The following PRKDC variants were observed in gnomAD, a reference collection of about 807,000 sequenced individuals.
The protein encoded by PRKDC is DNA-dependent protein kinase catalytic subunit.
PRKDC carries 82 observed loss-of-function variants against 486.9 expected under a neutral mutation model. The observed-to-expected ratio is 0.17, with a 90% CI of 0.14 to 0.20. The LOEUF (loss-of-function observed/expected upper bound fraction) is 0.20, where lower values mean the gene tolerates loss of function less well. Ranked by LOEUF, PRKDC falls within the 10% of genes least tolerant of loss-of-function variation. The pLI is 1.00. For missense variants in PRKDC, 4,504 were observed against 5,038.2 expected (o/e 0.89, Z 3.21); for synonymous variants, 1,895 against 1,837.0 (o/e 1.03, Z -0.81).
intron 74 of PRKDC, 100 bp downstream of exon 74, chr8:47,794,190 A>T: frequency 1.0e-6 from 1 of 959,268 alleles, no homozygotes; most frequent in African/African-American, 1.7e-5. Context: ...GACAACTCTA[A>T]TTAATTTGAA....
intron 21 of PRKDC, among the ~76,000 whole-genome samples, chr8:47,924,380 G>A (rs1247554738): frequency 6.6e-6 from 1 of 151,896 alleles, no homozygotes; most frequent in African/African-American, 2.4e-5. Flanking sequence ...TCAACATAGT[G>A]AGACCCCCAT....
In PRKDC at chr8:47,778,991, A is replaced by C; in HGVS notation, c.11579+13T>G. The C allele has an allele frequency of 6.4e-7, 1 of 1,562,558 alleles. No homozygotes were observed. The highest frequency in any genetic ancestry group is 1.2e-5 in the South Asian group (1 of 82,290). On this transcript the variant is annotated intron_variant, in intron 81 of 85. Coordinates refer to ENST00000314191, the MANE Select transcript of PRKDC (RefSeq NM_006904.7). ...AACTAACTAATACAAAGAAAAATCA[A>C]AACCAAACTTACTTATACATTAGCA...
In PRKDC at chr8:47,820,784, G is replaced by C. The variant is rs752820602; in HGVS notation, c.9271C>G (p.Leu3091Val). 6.2e-7 allele frequency: 1 copy of C among 1,611,408 alleles called. No individual in the cohort carries two copies. Among genetic ancestry groups the C allele is most frequent in the Non-Finnish European group, 8.5e-7 (1 of 1,178,476 alleles). ...HYSQELSLLY[L>V]LQDDVDRAKY... is the part of the protein sequence containing the mutation. ...GCTCTGTCAACATCATCTTGCAGGAGGTAAAGCAGACTCAGCTCTTGACTG... is the reference window on the plus strand; with the variant it reads ...GCTCTGTCAACATCATCTTGCAGGACGTAAAGCAGACTCAGCTCTTGACTG... Residue 3091 changes from leucine to valine, a missense_variant, in exon 66 of 86, where the codon CTC becomes GTC. By Grantham distance (32) the Leu-to-Val change is conservative (BLOSUM62 1). Coordinates refer to ENST00000314191, the MANE Select transcript of PRKDC (RefSeq NM_006904.7).
chr8:47,774,903 C>T (rs1188439395), intron 85 of PRKDC, among the ~76,000 whole-genome samples: 1 of 152,124 alleles, frequency 6.6e-6, no homozygotes, highest in Non-Finnish European at 1.5e-5. Context: ...GCTGGGATTA[C>T]AGGTGTGAGC....
intron 21 of PRKDC, among the ~76,000 whole-genome samples, chr8:47,921,022 G>C (rs1277213015): frequency 6.6e-6 from 1 of 152,136 alleles, no homozygotes. Flanking sequence ...GGGAGGCCGA[G>C]GGGGGCGGAT....
intron 68 of PRKDC, among the ~76,000 whole-genome samples, chr8:47,816,602 T>C (rs2087452500): frequency 1.3e-5 from 2 of 152,138 alleles, no homozygotes; most frequent in African/African-American, 4.8e-5. Context: ...AACACTGATC[T>C]ATAACGAGGC....
At chr8:47,935,437 T>C (rs1199276105) in intron 13 of PRKDC, among the ~76,000 whole-genome samples, 1 of 152,010 alleles carries the variant, frequency 6.6e-6, no homozygotes, top group African/African-American at 2.4e-5. Context: ...GAGGCAGTGG[T>C]TGCAGTGAGC....
chr8:47,836,479 G>T lies in PRKDC; in HGVS notation c.7810C>A (p.Pro2604Thr). Residue 2604 changes from proline to threonine, a missense_variant, in exon 58 of 86, where the codon CCG becomes ACG. Transcript: ENST00000314191. The part of the protein sequence containing the change: ...DWRFRSTVLT[P>T]MFVETQASQG... ...GAGGCCTGGGTCTCCACAAACATCGGAGTGAGAACAGTACTTCGGAAACGC... is the reference window on the plus strand; with the variant it reads ...GAGGCCTGGGTCTCCACAAACATCGTAGTGAGAACAGTACTTCGGAAACGC... The T allele has an allele frequency of 3.7e-6, 6 of 1,610,782 alleles. No homozygotes were observed. Among genetic ancestry groups the T allele is most frequent in the Non-Finnish European group, 5.1e-6 (6 of 1,178,470 alleles).
chr8:47,892,098 C>T (rs1563789144), intron 31 of PRKDC, among the ~76,000 whole-genome samples: 1 of 152,080 alleles, frequency 6.6e-6, no homozygotes, highest in South Asian at 2.1e-4. Context: ...TCGAACTCCT[C>T]ACCTCAGGTG....
At chr8:47,940,447 C>T (rs1474882042) in intron 10 of PRKDC, among the ~76,000 whole-genome samples, 4 of 152,156 alleles carry the variant, frequency 2.6e-5, no homozygotes, top group African/African-American at 4.8e-5. Context: ...AAAAAATCCA[C>T]CTTCCACTGC....
chr8:47,893,425 C>T lies in PRKDC; in HGVS notation c.3599-38G>A, dbSNP rs1178151135. The T allele has an allele frequency of 3.5e-6, 5 of 1,425,342 alleles. No individual in the cohort carries two copies. The African/African-American group carries it at 5.7e-5, about 16-fold the overall frequency. The allele number at this position is 1,425,342 out of a possible 1,614,324, so 88.3% of individuals were successfully genotyped here. A position where few individuals can be genotyped will look rare whatever the true frequency, so the allele number is the denominator to read the frequency against. On this transcript the variant is annotated intron_variant, in intron 30 of 85. Transcript: ENST00000314191. ...ACAAAATTAAAATGCACACATATAC[C>T]TACATTTCTTTAATCTAATCTTTGT...
intron 7 of PRKDC, among the ~76,000 whole-genome samples, chr8:47,952,456 T>C (rs1447047604): frequency 6.6e-6 from 1 of 152,102 alleles, no homozygotes; most frequent in Non-Finnish European, 1.5e-5. Context: ...GTGGCCAAGA[T>C]GGGGGAAGAG....
rs1019925698 is a variant in PRKDC at position 47,918,345 on chromosome 8, G to A, written c.2458C>T (p.Arg820Trp). ...KNNWEVSALS[R>W]AAQKGFNKVV... ...TTATTAAATCCTTTCTGGGCAGCCC[G>A]AGAAAGAGCTGACACTTCCCAGTTA... is the stretch of plus-strand genomic sequence containing the variant. The change falls in exon 22 of 86, where the codon CGG becomes TGG. Residue 820 changes from arginine to tryptophan, a missense_variant. Physicochemically the swap from Arg to Trp is moderately radical, Grantham distance 101. Coordinates refer to ENST00000314191, the MANE Select transcript of PRKDC (RefSeq NM_006904.7). 5.0e-6 allele frequency: 8 copies of A among 1,593,302 alleles called. No individual in the cohort carries two copies. Among genetic ancestry groups the A allele is most frequent in the East Asian group, 4.5e-5 (2 of 44,574 alleles).
Position 47,953,790 on chromosome 8 carries a change from C to T in PRKDC, c.621+17G>A. The T allele has an allele frequency of 6.4e-7, 1 of 1,572,506 alleles. No individual in the cohort carries two copies. Among genetic ancestry groups the T allele is most frequent in the Non-Finnish European group, 8.6e-7 (1 of 1,156,602 alleles). On this transcript the variant is annotated intron_variant, in intron 6 of 85. Coordinates refer to ENST00000314191, the MANE Select transcript of PRKDC (RefSeq NM_006904.7). ...AACCACATCTATGGAAGCAGAATGT[C>T]ATAAAGTTCATCATACCTGGGTCTT...
At position 47,954,410 on chromosome 8, in the gene PRKDC, C is replaced by A; in HGVS notation, c.436G>T (p.Glu146Ter). Residue 146 changes from glutamate to a stop codon, truncating the protein, a stop_gained, in exon 5 of 86, where the codon GAA becomes TAA. Transcript: ENST00000314191. LOFTEE classifies it high-confidence loss of function. The part of the protein sequence containing the change: ...QTFRSSRLMD[E>*]FKIGELFSKF... ...CTAAATAATTCTCCAATTTTAAATT[C>A]ATCCATGAGTCTAGAACTTCTAAAA... 7.3e-7 allele frequency: 1 copy of A among 1,374,126 alleles called. No individual in the cohort carries two copies. The highest frequency in any genetic ancestry group is 1.5e-5 in the South Asian group (1 of 65,606). The allele number at this position is 1,374,126 out of a possible 1,614,324, so 85.1% of individuals were successfully genotyped here. A position where few individuals can be genotyped will look rare whatever the true frequency, so the allele number is the denominator to read the frequency against.
chr8:47,834,474 A>T, intron 58 of PRKDC, 78 bp from the exon 59 acceptor site: 1 of 1,474,370 alleles, frequency 6.8e-7, no homozygotes, highest in African/African-American at 1.4e-5. Flanking sequence ...CTGCCAGGAC[A>T]CACCTGGTGG....
intron 14 of PRKDC, among the ~76,000 whole-genome samples, chr8:47,934,436 A>G (rs1188117062): frequency 6.6e-6 from 1 of 152,136 alleles, no homozygotes; most frequent in Non-Finnish European, 1.5e-5. Context: ...TTGGGAGGCT[A>G]AGACAGGAGA....
intron 40 of PRKDC, among the ~76,000 whole-genome samples, chr8:47,865,877 C>T (rs1002180629): frequency 1.2e-4 from 19 of 152,068 alleles, no homozygotes; most frequent in African/African-American, 4.6e-4. Flanking sequence ...TCCCAGAGGC[C>T]GGGTGCAGTG....
Position 47,828,293 on chromosome 8 carries a change from T to C in PRKDC, c.8452A>G (p.Lys2818Glu). The change falls in exon 62 of 86, where the codon AAA (lysine) becomes GAA (glutamate). Residue 2818 changes from lysine to glutamate, a missense_variant. Physicochemically the swap from Lys to Glu is moderately conservative, Grantham distance 56. Coordinates refer to ENST00000314191, the MANE Select transcript of PRKDC (RefSeq NM_006904.7). Reference sequence around the variant, plus strand: ...AGTGTCTTAAATTTATCCATCTCTTTCAAAATTCCAGAAAACAAGCTGCTA... The same window carrying C: ...AGTGTCTTAAATTTATCCATCTCTTCCAAAATTCCAGAAAACAAGCTGCTA... ...LFSSLFSGILKEMDKFKTLSE... is the reference protein window; with the variant it reads ...LFSSLFSGILEEMDKFKTLSE... 1 of 1,605,196 alleles carries C rather than the reference T, an allele frequency of 6.2e-7. No individual in the cohort carries two copies. Among genetic ancestry groups the C allele is most frequent in the East Asian group, 2.2e-5 (1 of 44,746 alleles).
Sources: allele counts gnomAD v4.1 joint callset (sites outside exome capture counted in the v4.1 genomes callset), GRCh38; gene constraint gnomAD v4.1.1; transcripts MANE v1.5; gene names NCBI Gene and HGNC (gene_info 2026-07-23, HGNC 2026-07-21).